Variants in UNC5C observed in about 807,000 individuals in gnomAD.
The protein encoded by UNC5C is unc-5 netrin receptor C.
Under a neutral mutation model 99.8 loss-of-function variants are expected in UNC5C, and 47 were observed. That is an observed-to-expected ratio of 0.47 (90% CI 0.37 to 0.60). The LOEUF (loss-of-function observed/expected upper bound fraction) is 0.60, where lower values mean the gene tolerates loss of function less well. Ranked by LOEUF, UNC5C falls within the 20% of genes least tolerant of loss-of-function variation. The pLI, the probability that UNC5C is intolerant of heterozygous loss-of-function variation, is 0.00. For missense variants in UNC5C, 1,062 were observed against 1,165.9 expected, an observed-to-expected ratio of 0.91 and a Z score of 1.30; for synonymous variants, 487 against 452.2, an observed-to-expected ratio of 1.08 and a Z score of -0.98.
intron 4 of UNC5C, among the ~76,000 whole-genome samples, chr4:95,257,893 G>A (rs2149385188): frequency 6.6e-6 from 1 of 152,300 alleles, no homozygotes; most frequent in Middle Eastern, 3.4e-3. Flanking sequence ...TACCATTGTG[G>A]CTTAGATAAA....
chr4:95,522,150 T>C (rs1488385702), intron 1 of UNC5C, among the ~76,000 whole-genome samples: 1 of 152,082 alleles, frequency 6.6e-6, no homozygotes, highest in African/African-American at 2.4e-5. Flanking sequence ...TATTTAAACA[T>C]TGTATAAAGG....
chr4:95,475,996 T>C (rs559496254), intron 1 of UNC5C, among the ~76,000 whole-genome samples: 1 of 152,244 alleles, frequency 6.6e-6, no homozygotes, highest in East Asian at 1.9e-4. Context: ...CATTCCCAGT[T>C]AGATAAGTAA....
At position 95,164,346 on chromosome 4, in the gene UNC5C, A is replaced by C. The variant is rs1294550441; in HGVS notation, c.*4888T>G. 1 of 152,214 alleles carries C rather than the reference A, an allele frequency of 6.6e-6. No homozygotes were observed. The highest frequency in any genetic ancestry group is 1.5e-5 in the Non-Finnish European group (1 of 68,034). 9.4% of individuals were successfully genotyped at this position (152,214 alleles called of 1,614,324 possible). On this transcript the variant is annotated 3_prime_UTR_variant, in exon 16 of 16. Transcript: ENST00000453304. Reference sequence around the variant, plus strand: ...CCTTATGCCTTATTCCATTAAAAAGAAATAATTAGAGATGCAAAGGAAATC... The same window carrying C: ...CCTTATGCCTTATTCCATTAAAAAGCAATAATTAGAGATGCAAAGGAAATC...
intron 9 of UNC5C, 56 bp from the exon 10 acceptor site, chr4:95,216,267 A>T: frequency 7.1e-7 from 1 of 1,416,920 alleles, no homozygotes; most frequent in Non-Finnish European, 9.8e-7. Flanking sequence ...CGTAAAAGGG[A>T]ATGAGGAGAT....
At chr4:95,546,596 A>G (rs1723074835) in intron 1 of UNC5C, among the ~76,000 whole-genome samples, 1 of 152,256 alleles carries the variant, frequency 6.6e-6, no homozygotes, top group Non-Finnish European at 1.5e-5. Flanking sequence ...GAAATGGACA[A>G]GAACTGCAGT....
intron 1 of UNC5C, among the ~76,000 whole-genome samples, chr4:95,544,382 C>T (rs1453544690): frequency 1.3e-5 from 2 of 152,146 alleles, no homozygotes. Flanking sequence ...ATACAACTTC[C>T]AGCCAAATCA....
At chr4:95,217,343 A>T (rs1738288503) in intron 9 of UNC5C, among the ~76,000 whole-genome samples, 1 of 152,202 alleles carries the variant, frequency 6.6e-6, no homozygotes, top group African/African-American at 2.4e-5. Flanking sequence ...GTTGAGCCAC[A>T]GACCTCTTGA....
At chr4:95,366,893 A>G (rs1744589914) in intron 1 of UNC5C, among the ~76,000 whole-genome samples, 1 of 152,198 alleles carries the variant, frequency 6.6e-6, no homozygotes, top group South Asian at 2.1e-4. Flanking sequence ...ATAATTTGCA[A>G]TGCCATCAGG....
chr4:95,519,824 G>C (rs139647920), intron 1 of UNC5C, among the ~76,000 whole-genome samples: 5 of 152,134 alleles, frequency 3.3e-5, no homozygotes, highest in Non-Finnish European at 7.4e-5. Context: ...ATAGCTGAAG[G>C]TATTTTTGTC....
intron 1 of UNC5C, among the ~76,000 whole-genome samples, chr4:95,383,172 G>A (rs1455749831): frequency 6.6e-6 from 1 of 151,964 alleles, no homozygotes; most frequent in Non-Finnish European, 1.5e-5. Flanking sequence ...AACAGAAGAA[G>A]AAAAAGTATA....
At chr4:95,254,788 C>T (rs917538917) in intron 4 of UNC5C, among the ~76,000 whole-genome samples, 2 of 152,186 alleles carry the variant, frequency 1.3e-5, no homozygotes, top group Admixed American at 6.5e-5. Context: ...TTCCTATTCA[C>T]TCTAAGATAC....
intron 3 of UNC5C, among the ~76,000 whole-genome samples, chr4:95,283,194 A>G (rs1741122288): frequency 6.6e-6 from 1 of 152,192 alleles, no homozygotes; most frequent in Non-Finnish European, 1.5e-5. Flanking sequence ...TTCTTGCCAT[A>G]TAAAGGCACA....
At chr4:95,435,165 G>A (rs748957333) in intron 1 of UNC5C, among the ~76,000 whole-genome samples, 3 of 152,054 alleles carry the variant, frequency 2.0e-5, no homozygotes, top group Admixed American at 6.6e-5. Flanking sequence ...TGATTACTAA[G>A]TGGCCCTCCC....
chr4:95,432,378 C>T (rs968149522), intron 1 of UNC5C, among the ~76,000 whole-genome samples: 2 of 152,028 alleles, frequency 1.3e-5, no homozygotes, highest in Non-Finnish European at 2.9e-5. Flanking sequence ...AAACCTAAGA[C>T]ATATTTTATT....
intron 4 of UNC5C, among the ~76,000 whole-genome samples, chr4:95,267,254 G>T (rs115946193): frequency 4.6e-5 from 7 of 152,316 alleles, no homozygotes; most frequent in Non-Finnish European, 1.0e-4. Flanking sequence ...GAAGGAATGT[G>T]TCCCAGGGTG....
Position 95,278,228 on chromosome 4 carries a change from T to C in UNC5C, c.594+31A>G, listed in dbSNP as rs376996256. ...CTCTGTTAGAATAACTTAGTGCCAA[T>C]TGCTAAATGCAAAGAATTGTTGTTA... On this transcript the variant is annotated intron_variant, in intron 4 of 15. Transcript: ENST00000453304. 5.9e-5 allele frequency: 93 copies of C among 1,571,234 alleles called. 1 individual carries two copies. The African/African-American group carries it at 1.2e-3, about 20-fold the overall frequency.
chr4:95,517,104 A>G (rs1026005543), intron 1 of UNC5C, among the ~76,000 whole-genome samples: 2 of 152,212 alleles, frequency 1.3e-5, no homozygotes, highest in Non-Finnish European at 2.9e-5. Flanking sequence ...GCCAAATGTC[A>G]TAGCATATGA....
At chr4:95,327,175 G>A (rs1742918886) in intron 2 of UNC5C, among the ~76,000 whole-genome samples, 1 of 152,034 alleles carries the variant, frequency 6.6e-6, no homozygotes, top group Non-Finnish European at 1.5e-5. Flanking sequence ...TCTAGCTTCA[G>A]GGAAAACCCC....
At chr4:95,516,627 G>A (rs1045327172) in intron 1 of UNC5C, among the ~76,000 whole-genome samples, 7 of 152,124 alleles carry the variant, frequency 4.6e-5, no homozygotes, top group Non-Finnish European at 1.0e-4. Context: ...TTAGAGTGGA[G>A]GGAGTAATGG....
Sources: allele counts gnomAD v4.1 joint callset (sites outside exome capture counted in the v4.1 genomes callset), GRCh38; gene constraint gnomAD v4.1.1; transcripts MANE v1.5; gene names NCBI Gene and HGNC (gene_info 2026-07-23, HGNC 2026-07-21).